The following ADAMTSL1 variants were observed in gnomAD, a reference collection of about 807,000 sequenced individuals.
The protein encoded by ADAMTSL1 is ADAMTS-like protein 1.
In ADAMTSL1, 126 loss-of-function variants were observed where a neutral mutation model predicts 201.8. The ratio of observed to expected loss-of-function variants is 0.62; its 90% confidence interval spans 0.54 to 0.72. The LOEUF (loss-of-function observed/expected upper bound fraction) is 0.72, where lower values mean the gene tolerates loss of function less well. Ranked by LOEUF, ADAMTSL1 falls within the 30% of genes least tolerant of loss-of-function variation. The probability of loss-of-function intolerance (pLI) is 0.00; values close to 1 mark genes in which losing one functional copy is unlikely to be tolerated. For synonymous variants in ADAMTSL1, 1,121 were observed against 903.4 expected (o/e 1.24, Z -4.32); for missense variants, 2,679 against 2,277.8 (o/e 1.18, Z -3.59).
intron 2 of ADAMTSL1, among the ~76,000 whole-genome samples, chr9:18,355,877 T>C (rs770903168): frequency 5.9e-5 from 9 of 152,088 alleles, no homozygotes; most frequent in Non-Finnish European, 1.2e-4. Flanking sequence ...CCAGGCATGG[T>C]GGTAGCACAG....
intron 1 of ADAMTSL1, among the ~76,000 whole-genome samples, chr9:18,153,667 A>C: frequency 6.6e-6 from 1 of 152,036 alleles, no homozygotes; most frequent in East Asian, 1.9e-4. Context: ...AGTGACTTTG[A>C]TGACTTGTAA....
intron 2 of ADAMTSL1, among the ~76,000 whole-genome samples, chr9:18,339,038 G>A (rs1199889744): frequency 6.6e-6 from 1 of 152,090 alleles, no homozygotes; most frequent in African/African-American, 2.4e-5. Context: ...GGGCATTTAG[G>A]TTAATTCCAT....
chr9:18,543,850 C>G (rs1268755922), intron 3 of ADAMTSL1, among the ~76,000 whole-genome samples: 1 of 152,196 alleles, frequency 6.6e-6, no homozygotes, highest in African/African-American at 2.4e-5. Context: ...TTCCTCTCCT[C>G]TCGGCCTTCT....
intron 14 of ADAMTSL1, among the ~76,000 whole-genome samples, 155 bp from the exon 15 acceptor site, chr9:18,721,381 A>T (rs1833358683): frequency 6.6e-6 from 1 of 152,168 alleles, no homozygotes; most frequent in Non-Finnish European, 1.5e-5. Context: ...GCTTGACAAG[A>T]TTGGCAGTCC....
intron 1 of ADAMTSL1, among the ~76,000 whole-genome samples, chr9:18,114,524 AC>A (rs1825167377): frequency 6.6e-6 from 1 of 152,080 alleles, no homozygotes; most frequent in Non-Finnish European, 1.5e-5. Flanking sequence ...TGAGTGAAAA[AC>A]CCAGAAAAAT....
At chr9:18,334,292 G>C (rs1271407553) in intron 2 of ADAMTSL1, among the ~76,000 whole-genome samples, 1 of 152,094 alleles carries the variant, frequency 6.6e-6, no homozygotes, top group Admixed American at 6.6e-5. Context: ...CTCTATGTAA[G>C]CTTTTGTTGG....
chr9:18,104,749 A>G (rs1436747589), intron 1 of ADAMTSL1, among the ~76,000 whole-genome samples: 3 of 152,182 alleles, frequency 2.0e-5, no homozygotes, highest in South Asian at 2.1e-4. Flanking sequence ...ACTAATTTAA[A>G]TAACAATAAT....
intron 1 of ADAMTSL1, among the ~76,000 whole-genome samples, chr9:17,954,510 C>G (rs1485518982): frequency 6.6e-6 from 1 of 152,140 alleles, no homozygotes; most frequent in African/African-American, 2.4e-5. Flanking sequence ...AACAAAATGT[C>G]ATTATTATAC....
intron 1 of ADAMTSL1, among the ~76,000 whole-genome samples, chr9:18,065,556 G>C (rs2131714529): frequency 6.6e-6 from 1 of 152,288 alleles, no homozygotes; most frequent in African/African-American, 2.4e-5. Flanking sequence ...ACAGGTCGTA[G>C]ATGAAAAGTA....
intron 23 of ADAMTSL1, among the ~76,000 whole-genome samples, chr9:18,836,947 T>C (rs1383604586): frequency 1.3e-5 from 2 of 152,228 alleles, no homozygotes; most frequent in Non-Finnish European, 2.9e-5. Flanking sequence ...ACTGATTTTG[T>C]ACATTGATTC....
intron 1 of ADAMTSL1, among the ~76,000 whole-genome samples, chr9:18,076,571 A>T (rs75111120): frequency 0.031 from 4,761 of 152,274 alleles, 93 homozygotes; most frequent in African/African-American, 0.041. Context: ...GAGAAAGATA[A>T]AAAACACCTG....
In ADAMTSL1 at chr9:18,777,683, G is replaced by A. The variant is rs1821141800; in HGVS notation, c.3454G>A (p.Asp1152Asn). The part of the protein sequence containing the change: ...SSSLRTSSTG[D>N]AGGGSRRPHR... ...CTCCCTGCGGACCTCCTCCACCGGG[G>A]ACGCCGGGGGAGGCTCTCGAAGGCC... Residue 1152 changes from aspartate to asparagine, a missense_variant, in exon 19 of 29, where the codon GAC (aspartate) becomes AAC (asparagine). Transcript: ENST00000380548. 1.2e-6 allele frequency: 2 copies of A among 1,613,336 alleles called. No individual in the cohort carries two copies. The highest frequency in any genetic ancestry group is 1.7e-6 in the Non-Finnish European group (2 of 1,179,766).
chr9:18,324,164 A>G (rs1214879369), intron 2 of ADAMTSL1, among the ~76,000 whole-genome samples: 1 of 152,216 alleles, frequency 6.6e-6, no homozygotes, highest in Non-Finnish European at 1.5e-5. Context: ...ATATAGCCAT[A>G]TGTATATTTA....
intron 2 of ADAMTSL1, among the ~76,000 whole-genome samples, chr9:18,228,149 C>T (rs927351208): frequency 6.6e-6 from 1 of 152,132 alleles, no homozygotes; most frequent in Non-Finnish European, 1.5e-5. Flanking sequence ...GGATACAAAA[C>T]CTTTTTCCAT....
intron 4 of ADAMTSL1, among the ~76,000 whole-genome samples, chr9:18,608,338 C>A (rs1323754873): frequency 6.6e-6 from 1 of 152,134 alleles, no homozygotes; most frequent in Non-Finnish European, 1.5e-5. Flanking sequence ...ATTTCACTCT[C>A]TAATTAGATA....
At chr9:18,783,206 T>G (rs182572646) in intron 19 of ADAMTSL1, among the ~76,000 whole-genome samples, 1 of 152,300 alleles carries the variant, frequency 6.6e-6, no homozygotes, top group Admixed American at 6.5e-5. Flanking sequence ...CTCCAGCAAC[T>G]AAGAAACCTT....
At chr9:18,668,364 A>C (rs891359528) in intron 9 of ADAMTSL1, among the ~76,000 whole-genome samples, 1 of 152,210 alleles carries the variant, frequency 6.6e-6, no homozygotes, top group African/African-American at 2.4e-5. Context: ...ACACATCATC[A>C]GACAATCACA....
intron 2 of ADAMTSL1, among the ~76,000 whole-genome samples, chr9:18,398,438 G>C (rs1050762110): frequency 6.6e-6 from 1 of 152,120 alleles, no homozygotes; most frequent in Non-Finnish European, 1.5e-5. Flanking sequence ...TGGATCATTA[G>C]TGCAGTTATT....
chr9:18,228,794 A>C (rs1303181881), intron 2 of ADAMTSL1, among the ~76,000 whole-genome samples: 1 of 150,944 alleles, frequency 6.6e-6, no homozygotes, highest in Non-Finnish European at 1.5e-5. Flanking sequence ...CGTGTGTGAT[A>C]CTTATTTTAC....
Sources: gnomAD v4.1 joint callset for allele counts (sites outside exome capture counted in the v4.1 genomes callset) on GRCh38, gnomAD v4.1.1 for gene constraint, MANE v1.5 for transcripts, NCBI Gene and HGNC (gene_info 2026-07-23, HGNC 2026-07-21) for gene names.